BANK1: variants seen among roughly 807,000 people sequenced by gnomAD.
BANK1 encodes the protein B-cell scaffold protein with ankyrin repeats.
In BANK1, 95 loss-of-function variants were observed where a neutral mutation model predicts 94.5. The observed-to-expected ratio is 1.00, with a 90% CI of 0.85 to 1.19. The LOEUF (loss-of-function observed/expected upper bound fraction) is 1.19, where lower values mean the gene tolerates loss of function less well. Ranked by LOEUF, BANK1 falls within the 50% of genes most tolerant of loss-of-function variation. The pLI is 0.00. For missense variants in BANK1, 987 were observed against 932.2 expected (o/e 1.06, Z -0.77); for synonymous variants, 334 against 308.4 (o/e 1.08, Z -0.87).
intron 1 of BANK1, among the ~76,000 whole-genome samples, chr4:101,799,495 A>C (rs1214141711): frequency 2.0e-5 from 3 of 152,238 alleles, no homozygotes; most frequent in Non-Finnish European, 4.4e-5. Flanking sequence ...ATAAAGACAC[A>C]TGCACACGTA....
chr4:101,989,408 G>A (rs1343024887), intron 7 of BANK1, among the ~76,000 whole-genome samples: 1 of 143,392 alleles, frequency 7.0e-6, no homozygotes, highest in Non-Finnish European at 1.5e-5. Context: ...TCCAGCCTGG[G>A]GTACAAGAGC....
In BANK1 at chr4:101,833,170, G is replaced by A. The variant is rs76170829; in HGVS notation, c.469+2964G>A. On this transcript the variant is annotated intron_variant, in intron 2 of 16. Transcript: ENST00000322953. The stretch of plus-strand genomic sequence containing the variant: ...AATTTTGTATTTTTAGTAGAGATTC[G>A]GTTTCTCCATGTTGGTCTGGCTGGT... Among the ~76,000 whole-genome samples, 805 of 152,120 alleles carry A rather than the reference G, an allele frequency of 5.3e-3. 14 individuals are homozygous for A. The East Asian group carries it at 0.062, about 12-fold the overall frequency.
intron 10 of BANK1, among the ~76,000 whole-genome samples, chr4:102,038,607 G>A (rs1727600717): frequency 6.6e-6 from 1 of 152,118 alleles, no homozygotes; most frequent in Non-Finnish European, 1.5e-5. Flanking sequence ...GTGACTGGAG[G>A]TTTTACTAAT....
At chr4:101,895,695 GA>G (rs1333361733) in intron 6 of BANK1, among the ~76,000 whole-genome samples, 1 of 151,826 alleles carries the variant, frequency 6.6e-6, no homozygotes, top group Non-Finnish European at 1.5e-5. Context: ...ATTTAGGATA[GA>G]AATTATTCAT....
chr4:101,957,830 T>TTTTTTGTTTTTTGC (rs1724400519), intron 7 of BANK1, among the ~76,000 whole-genome samples: 1 of 150,292 alleles, frequency 6.7e-6, no homozygotes, highest in African/African-American at 2.4e-5. Context: ...TTGTTTTTTG[T>TTTTTTGTTTTTTGC]TTTTTGTTTT....
intron 7 of BANK1, among the ~76,000 whole-genome samples, chr4:101,996,314 G>A (rs991805606): frequency 1.3e-5 from 2 of 152,174 alleles, no homozygotes; most frequent in Admixed American, 1.3e-4. Context: ...GTACCATGCT[G>A]TTTTGGTTCC....
chr4:101,850,013 TCTCA>T (rs1446054194), intron 2 of BANK1, among the ~76,000 whole-genome samples: 1 of 152,196 alleles, frequency 6.6e-6, no homozygotes, highest in Non-Finnish European at 1.5e-5. Context: ...AGGAACAGTT[TCTCA>T]CTCACAGAAT....
chr4:102,030,358 T>TA, intron 10 of BANK1, 93 bp downstream of exon 10: 1 of 1,272,960 alleles, frequency 7.9e-7, no homozygotes, highest in Non-Finnish European at 1.1e-6. Context: ...ATTAATGCTC[T>TA]AAAACTCCAA....
At position 101,964,083 on chromosome 4, in the gene BANK1, G is replaced by A. The variant is rs549908149; in HGVS notation, c.1206+45894G>A. Among the ~76,000 whole-genome samples, 4 of 152,176 alleles carry A rather than the reference G, an allele frequency of 2.6e-5. No individual in the cohort carries two copies. The East Asian group carries it at 7.7e-4, about 29-fold the overall frequency. ...TTTTGTCATCTTTATATCTTCTGCA[G>A]CATGTAGTGCTGCTTCTTCATATGT... On this transcript the variant is annotated intron_variant, in intron 7 of 16. Coordinates refer to ENST00000322953, the MANE Select transcript of BANK1 (RefSeq NM_017935.5).
At chr4:101,817,220 A>T (rs938755565) in intron 1 of BANK1, among the ~76,000 whole-genome samples, 1 of 152,180 alleles carries the variant, frequency 6.6e-6, no homozygotes, top group Non-Finnish European at 1.5e-5. Context: ...ATAAAGACAC[A>T]TGCATATTTT....
intron 7 of BANK1, among the ~76,000 whole-genome samples, chr4:102,004,915 A>G (rs1255596508): frequency 6.6e-6 from 1 of 152,234 alleles, no homozygotes; most frequent in South Asian, 2.1e-4. Flanking sequence ...CTTATATTGA[A>G]TGCTACGTGT....
At position 101,878,277 on chromosome 4, in the gene BANK1, A is replaced by T. The variant is rs76329084; in HGVS notation, c.903+7633A>T. 6.5e-3 allele frequency among the ~76,000 whole-genome samples: 988 copies of T among 152,312 alleles called. 10 individuals are homozygous for T. The highest frequency in any genetic ancestry group is 0.023 in the African/African-American group (950 of 41,568). On this transcript the variant is annotated intron_variant, in intron 5 of 16. Coordinates refer to ENST00000322953, the MANE Select transcript of BANK1 (RefSeq NM_017935.5). Reference sequence around the variant, plus strand: ...GGATGAAAAAAGATATCCCATGCCAATGGAAACCAAAAAAGAGCAGGGGTA... The same window carrying T: ...GGATGAAAAAAGATATCCCATGCCATTGGAAACCAAAAAAGAGCAGGGGTA...
chr4:102,030,292 T>TG (rs1727251338), intron 10 of BANK1, 27 bp downstream of exon 10: 6 of 1,531,848 alleles, frequency 3.9e-6, no homozygotes, highest in Non-Finnish European at 5.2e-6. Flanking sequence ...TTTGTTTACT[T>TG]GTTAATTTTT....
intron 3 of BANK1, among the ~76,000 whole-genome samples, chr4:101,858,202 C>A (rs1315315331): frequency 6.6e-6 from 1 of 152,190 alleles, no homozygotes; most frequent in Non-Finnish European, 1.5e-5. Flanking sequence ...TTGACCCTCT[C>A]TACCCAGTGG....
intron 7 of BANK1, among the ~76,000 whole-genome samples, chr4:101,993,927 C>T (rs1725790890): frequency 6.6e-6 from 1 of 152,218 alleles, no homozygotes; most frequent in Non-Finnish European, 1.5e-5. Flanking sequence ...CAAGCTCACA[C>T]TGGCTCTATT....
At chr4:101,855,246 G>T (rs1727639401) in intron 3 of BANK1, 57 bp downstream of exon 3, 8 of 1,501,864 alleles carry the variant, frequency 5.3e-6, no homozygotes, top group South Asian at 1.3e-5. Context: ...TGGTGGTGGT[G>T]GTTGTTGTTG....
intron 7 of BANK1, among the ~76,000 whole-genome samples, chr4:102,010,495 C>G (rs760106975): frequency 1.1e-4 from 17 of 150,036 alleles, no homozygotes; most frequent in Non-Finnish European, 2.2e-4. Context: ...CGGGTTCCAG[C>G]AACTCTCCTG....
chr4:102,009,009 C>T (rs1726398053), intron 7 of BANK1, among the ~76,000 whole-genome samples: 1 of 152,226 alleles, frequency 6.6e-6, no homozygotes, highest in Non-Finnish European at 1.5e-5. Context: ...TTCATCAGCA[C>T]TCCTCTGTTG....
intron 1 of BANK1, among the ~76,000 whole-genome samples, chr4:101,815,095 A>C (rs550234266): frequency 3.5e-4 from 53 of 152,296 alleles, no homozygotes; most frequent in Non-Finnish European, 5.7e-4. Context: ...GAAGTTGATA[A>C]TTGGCTCAAA....
Sources: gnomAD v4.1 joint callset for allele counts (sites outside exome capture counted in the v4.1 genomes callset) on GRCh38, gnomAD v4.1.1 for gene constraint, MANE v1.5 for transcripts, NCBI Gene and HGNC (gene_info 2026-07-23, HGNC 2026-07-21) for gene names.